Variants in BPIFB3 observed in about 807,000 individuals in gnomAD.
The protein encoded by BPIFB3 is BPI fold-containing family B member 3.
In BPIFB3, 49 loss-of-function variants were observed where a neutral mutation model predicts 53.1. The ratio of observed to expected loss-of-function variants is 0.92; its 90% confidence interval spans 0.73 to 1.17. The LOEUF (loss-of-function observed/expected upper bound fraction) is 1.17. BPIFB3 is among the 50% of genes most tolerant of loss of function. The probability of loss-of-function intolerance (pLI) is 0.00; values close to 1 mark genes in which losing one functional copy is unlikely to be tolerated. For synonymous variants in BPIFB3, 271 were observed against 269.6 expected, an observed-to-expected ratio of 1.01 and a Z score of -0.05; for missense variants, 628 against 592.5, an observed-to-expected ratio of 1.06 and a Z score of -0.62.
At chr20:33,059,187 G>A (rs1220533002) in intron 2 of BPIFB3, among the ~76,000 whole-genome samples, 191 bp from the exon 4 acceptor site, 1 of 152,124 alleles carries the variant, frequency 6.6e-6, no homozygotes, top group Admixed American at 6.5e-5. Flanking sequence ...CTCCTGTGAG[G>A]TAGGAACTAG....
chr20:33,063,627 G>GTGGA lies in BPIFB3; in HGVS notation c.605_608dup (p.Ser204GlyfsTer9), dbSNP rs1980540318. On this transcript the variant is annotated frameshift_variant, in exon 6 of 15. Transcript: ENST00000375494. LOFTEE classifies it high-confidence loss of function. Reference sequence around the variant, plus strand: ...CTCCCTGACACAGCTGTGCCCCGTGGTGGACAGTGTGCTGGGTGTGGTGAA... The same window carrying GTGGA: ...CTCCCTGACACAGCTGTGCCCCGTGGTGGATGGACAGTGTGCTGGGTGTGGTGAA... The GTGGA allele has an allele frequency of 1.2e-6, 2 of 1,613,962 alleles. No homozygotes were observed. The highest frequency in any genetic ancestry group is 1.7e-6 in the Non-Finnish European group (2 of 1,179,974).
downstream of BPIFB3, chr20:33,073,745 G>A: frequency 1.0e-6 from 1 of 983,572 alleles, no homozygotes; most frequent in East Asian, 2.5e-5. Context: ...CTCCAAGTTT[G>A]GGGTGGGAAC....
chr20:33,059,946 G>A (rs1252221890), exon 4 of BPIFB3: 1 of 1,614,162 alleles, frequency 6.2e-7, no homozygotes, highest in South Asian at 1.1e-5. Context: ...ATCGCGGGTG[G>A]CGCTGGCCGT....
chr20:33,067,634 T>C (rs1431804677), intron 9 of BPIFB3, among the ~76,000 whole-genome samples: 1 of 152,182 alleles, frequency 6.6e-6, no homozygotes, highest in East Asian at 1.9e-4. Context: ...AGGGATGCGA[T>C]TGGAGTCAGA....
In BPIFB3 at chr20:33,064,554, T is replaced by TA. The variant is rs771472197; in HGVS notation, c.744+8dup. On this transcript the variant is annotated splice_region_variant and intron_variant, in intron 7 of 14. Transcript: ENST00000375494. ...ACATAGAACTGGACATCAACGTGAG[T>TA]AACCAGAGGGGCCTCTCCTCCTGCT... The TA allele has an allele frequency of 6.2e-7, 1 of 1,613,508 alleles. No individual in the cohort carries two copies. Among genetic ancestry groups the TA allele is most frequent in the Admixed American group, 1.7e-5 (1 of 60,002 alleles).
Position 33,064,665 on chromosome 20 carries a change from G to T in BPIFB3, c.745-1G>T. On this transcript the variant is annotated splice_acceptor_variant, in intron 7 of 14. Transcript: ENST00000375494. LOFTEE classifies it high-confidence loss of function. ...CTCGGCCCTGTTTCCTGCCCCTGCA[G>T]CCTATCGTGAAGAGTGTAGCTGGTG... is the stretch of plus-strand genomic sequence containing the variant. 1 of 1,613,644 alleles carries T rather than the reference G, an allele frequency of 6.2e-7. No individual in the cohort carries two copies. Among genetic ancestry groups the T allele is most frequent in the South Asian group, 1.1e-5 (1 of 91,038 alleles).
chr20:33,057,670 G>A (rs777658713), intron 2 of BPIFB3, among the ~76,000 whole-genome samples: 1 of 151,338 alleles, frequency 6.6e-6, no homozygotes, highest in African/African-American at 2.4e-5. Context: ...CCGCTACTAG[G>A]GTATGAGTGT....
chr20:33,059,856 C>A (rs757197787), intron 3 of BPIFB3, 35 bp from the exon 5 acceptor site: 2 of 1,606,386 alleles, frequency 1.2e-6, no homozygotes, highest in Non-Finnish European at 1.7e-6. Flanking sequence ...TGGGAGCTGG[C>A]TGCCTGGCCA....
chr20:33,054,215 G>T (rs1213670360), upstream of BPIFB3, among the ~76,000 whole-genome samples: 2 of 152,028 alleles, frequency 1.3e-5, no homozygotes, highest in Non-Finnish European at 2.9e-5. Context: ...ATCCTATGGA[G>T]AGAGTTCCAG....
At chr20:33,061,793 G>T in exon 5 of BPIFB3, 1 of 1,614,196 alleles carries the variant, frequency 6.2e-7, no homozygotes. Flanking sequence ...ACTCTTTGGG[G>T]TCGTGGAACA....
At chr20:33,064,973 C>T in intron 8 of BPIFB3, 128 bp downstream of exon 9, 1 of 1,058,964 alleles carries the variant, frequency 9.4e-7, no homozygotes, top group Non-Finnish European at 1.3e-6. Flanking sequence ...GGGAGTTGAA[C>T]AAGTTTAGAG....
intron 14 of BPIFB3, 30 bp from the exon 16 acceptor site, chr20:33,073,546 G>C (rs1241659820): frequency 6.2e-7 from 1 of 1,613,676 alleles, no homozygotes. Context: ...GAGACTCAGG[G>C]GTGTAACCAA....
intron 2 of BPIFB3, 96 bp from the exon 4 acceptor site, chr20:33,059,282 G>A: frequency 2.5e-6 from 2 of 805,294 alleles, no homozygotes; most frequent in Admixed American, 4.3e-5. Flanking sequence ...CTGTGGGTTT[G>A]AGGTGAGATA....
exon 12 of BPIFB3, chr20:33,071,283 C>G (rs1980878119): frequency 6.4e-7 from 1 of 1,564,556 alleles, no homozygotes; most frequent in African/African-American, 1.3e-5. Flanking sequence ...CCTCCTTTAC[C>G]CATGCCTTTG....
At chr20:33,061,881 C>G (rs371588612) in intron 5 of BPIFB3, 50 bp downstream of exon 6, 356 of 1,595,516 alleles carry the variant, frequency 2.2e-4, no homozygotes, top group Non-Finnish European at 2.9e-4. Flanking sequence ...GACTGGGCCT[C>G]TTTCCCCCTC....
At chr20:33,063,710 T>G in intron 6 of BPIFB3, 35 bp downstream of exon 7, 1 of 1,606,966 alleles carries the variant, frequency 6.2e-7, no homozygotes, top group Non-Finnish European at 8.5e-7. Flanking sequence ...TCTTTGCCCC[T>G]TCTACCCGTC....
intron 14 of BPIFB3, 75 bp from the exon 16 acceptor site, chr20:33,073,501 G>C: frequency 6.5e-7 from 1 of 1,535,890 alleles, no homozygotes; most frequent in Non-Finnish European, 9.0e-7. Flanking sequence ...CCCAGGGCAG[G>C]GGAGTAAAGA....
chr20:33,071,427 CAG>C (rs1980886606), intron 12 of BPIFB3, 132 bp downstream of exon 13: 1 of 1,032,896 alleles, frequency 9.7e-7, no homozygotes, highest in Admixed American at 2.3e-5. Flanking sequence ...CCAATTAAGC[CAG>C]AGTGGGCAAA....
chr20:33,068,970 C>T (rs1336745797), exon 10 of BPIFB3: 1 of 1,612,550 alleles, frequency 6.2e-7, no homozygotes, highest in Non-Finnish European at 8.5e-7. Context: ...TTGAGCTGAA[C>T]TCCGTGAGTG....
Sources: gnomAD v4.1 joint callset for allele counts (sites outside exome capture counted in the v4.1 genomes callset) on GRCh38, gnomAD v4.1.1 for gene constraint, MANE v1.5 for transcripts, NCBI Gene and HGNC (gene_info 2026-07-23, HGNC 2026-07-21) for gene names.